CRLF3: variants seen among roughly 807,000 people sequenced by gnomAD.
CRLF3 encodes cytokine receptor-like factor 3.
A neutral mutation model predicts 55.0 loss-of-function variants in CRLF3; 33 were observed. That is an observed-to-expected ratio of 0.60 (90% confidence interval 0.46 to 0.80). CRLF3 has a LOEUF of 0.80. Among genes scored for constraint, CRLF3 ranks in the 30% least tolerant of loss-of-function variants. The probability of loss-of-function intolerance (pLI) is 0.00; values close to 1 mark genes in which losing one functional copy is unlikely to be tolerated. For missense variants in CRLF3, 494 were observed against 538.4 expected (o/e 0.92, Z 0.82); for synonymous variants, 238 against 196.8 (o/e 1.21, Z -1.75).
chr17:30,815,243 G>A (rs1597931584), intron 1 of CRLF3, among the ~76,000 whole-genome samples: 1 of 151,418 alleles, frequency 6.6e-6, no homozygotes, highest in South Asian at 2.1e-4. Context: ...CCACCACCAA[G>A]CCTGGCTAAT....
At chr17:30,810,747 A>G (rs1316483260) in intron 1 of CRLF3, among the ~76,000 whole-genome samples, 1 of 152,074 alleles carries the variant, frequency 6.6e-6, no homozygotes, top group Admixed American at 6.6e-5. Flanking sequence ...TTCCTTCACA[A>G]CCCTCCAAAA....
chr17:30,789,062 T>C (rs1971721706), intron 6 of CRLF3, among the ~76,000 whole-genome samples: 1 of 152,184 alleles, frequency 6.6e-6, no homozygotes, highest in African/African-American at 2.4e-5. Context: ...CATCTCTGGC[T>C]TCACTGCTGA....
chr17:30,809,790 A>G (rs1169600038), intron 1 of CRLF3: 2 of 152,188 alleles, frequency 1.3e-5, no homozygotes, highest in African/African-American at 4.8e-5. Context: ...AGCTGGGACC[A>G]CAGGCATGTG....
chr17:30,823,325 A>G (rs538284850), intron 1 of CRLF3, among the ~76,000 whole-genome samples: 2 of 152,012 alleles, frequency 1.3e-5, no homozygotes, highest in South Asian at 2.1e-4. Flanking sequence ...AGATAGTGCC[A>G]CTGCACTCCA....
At position 30,783,192 on chromosome 17, in the gene CRLF3, C is replaced by G. The variant is rs1971540654; in HGVS notation, c.*995G>C. The G allele has an allele frequency of 6.6e-6, 1 of 152,186 alleles. No individual in the cohort carries two copies. Among genetic ancestry groups the G allele is most frequent in the Non-Finnish European group, 1.5e-5 (1 of 68,038 alleles). The allele number at this position is 152,186 out of a possible 1,614,324, so 9.4% of individuals were successfully genotyped here. A position where few individuals can be genotyped will look rare whatever the true frequency, so the allele number is the denominator to read the frequency against. ...TTACATACATATGAAATGGCTAACA[C>G]TGCTGTGCATACTACTGCCATAACT... On this transcript the variant is annotated 3_prime_UTR_variant, in exon 8 of 8. Transcript: ENST00000324238.
At position 30,783,184 on chromosome 17, in the gene CRLF3, G is replaced by A. The variant is rs2142234779; in HGVS notation, c.*1003C>T. The A allele has an allele frequency of 6.6e-6, 1 of 152,246 alleles. No individual in the cohort carries two copies. The highest frequency in any genetic ancestry group is 2.1e-4 in the South Asian group (1 of 4,824). The allele number at this position is 152,246 out of a possible 1,614,324, so 9.4% of individuals were successfully genotyped here. On this transcript the variant is annotated 3_prime_UTR_variant, in exon 8 of 8. Transcript: ENST00000324238. ...CGTGCATATTACATACATATGAAAT[G>A]GCTAACACTGCTGTGCATACTACTG...
Position 30,797,373 on chromosome 17 carries a change from C to T in CRLF3, c.363G>A (p.Val121=), listed in dbSNP as rs1005916877. Residue 121 remains valine, a synonymous_variant, in exon 3 of 8, where the codon GTG becomes GTA. Transcript: ENST00000324238. ...TCCACAGTTTCTCATTCTCTTCTCCCACACCACCAAGCATGGCGATTTCAC... is the reference window on the plus strand; with the variant it reads ...TCCACAGTTTCTCATTCTCTTCTCCTACACCACCAAGCATGGCGATTTCAC... ...REGEIAMLGG[V]GEENEKLWSF... is the part of the protein sequence containing the mutation. 14 of 1,613,758 alleles carry T rather than the reference C, an allele frequency of 8.7e-6. No homozygotes were observed. In the Admixed American group the frequency reaches 1.8e-4, roughly 21 times the overall value.
chr17:30,804,271 TATAC>T (rs373448377), intron 1 of CRLF3, among the ~76,000 whole-genome samples, 163 bp from the exon 2 acceptor site: 116 of 152,332 alleles, frequency 7.6e-4, no homozygotes, highest in African/African-American at 2.6e-3. Flanking sequence ...TTGATACACA[TATAC>T]ATAGTGAACT....
At chr17:30,822,634 A>C (rs1473745053) in intron 1 of CRLF3, among the ~76,000 whole-genome samples, 1 of 152,224 alleles carries the variant, frequency 6.6e-6, no homozygotes, top group Non-Finnish European at 1.5e-5. Flanking sequence ...TGGATATAAA[A>C]TTGAAAAAAT....
intron 2 of CRLF3, among the ~76,000 whole-genome samples, chr17:30,799,240 T>G (rs778650847): frequency 6.6e-6 from 1 of 152,204 alleles, no homozygotes; most frequent in Non-Finnish European, 1.5e-5. Flanking sequence ...GCCACTGCAC[T>G]CCAGCCCAGG....
intron 5 of CRLF3, chr17:30,792,782 TAAATCACAC>T (rs967790769): frequency 4.5e-6 from 2 of 445,788 alleles, no homozygotes; most frequent in South Asian, 4.7e-5. Flanking sequence ...TTTGACATAA[TAAATCACAC>T]AAGTGTTATC....
At chr17:30,788,094 C>T (rs975712642) in intron 6 of CRLF3, among the ~76,000 whole-genome samples, 1 of 151,750 alleles carries the variant, frequency 6.6e-6, no homozygotes, top group Non-Finnish European at 1.5e-5. Context: ...TTTGGGAGGC[C>T]GAGGTGGGCG....
chr17:30,803,777 C>G (rs1261085839), intron 2 of CRLF3, 124 bp downstream of exon 2: 10 of 753,686 alleles, frequency 1.3e-5, no homozygotes, highest in Non-Finnish European at 2.3e-5. Context: ...GCCTCCCCAG[C>G]CACATGGAAC....
chr17:30,788,596 C>CTTTTTTTTTTTTTT (rs1429494338), intron 6 of CRLF3, among the ~76,000 whole-genome samples: 13 of 120,292 alleles, frequency 1.1e-4, no homozygotes, highest in African/African-American at 4.6e-4. Flanking sequence ...AAAGTAGTGC[C>CTTTTTTTTTTTTTT]TTCTTTTTTT....
In CRLF3 at chr17:30,792,464, A is replaced by G. The variant is rs756358718; in HGVS notation, c.935T>C (p.Phe312Ser). The G allele has an allele frequency of 3.7e-6, 6 of 1,611,926 alleles. No homozygotes were observed. In the African/African-American group the frequency reaches 6.7e-5, roughly 18 times the overall value. The change falls in exon 6 of 8, where the codon TTC becomes TCC. Residue 312 changes from phenylalanine (F) to serine (S), a missense_variant. Coordinates refer to ENST00000324238, the MANE Select transcript of CRLF3 (RefSeq NM_015986.4). ...GVLYSRAPTY[F>S]CGQTLTFRVE... ...CCTGAATGTTAATGTCTGCCCACAG[A>G]AATAAGTCGGAGCTCTGGAGTAGAG...
In CRLF3 at chr17:30,791,839, A is replaced by ACTT. The variant is rs371215308; in HGVS notation, c.959+598_959+600dup. Among the ~76,000 whole-genome samples the ACTT allele has an allele frequency of 2.6e-3, 387 of 151,002 alleles. 3 individuals are homozygous for ACTT. The highest frequency in any genetic ancestry group is 8.5e-3 in the African/African-American group (348 of 41,178). ...CCAGGCCTCTAAATTTTTAAGATTT[A>ACTT]CTTTTTAATTTTGTGTGTGTGTTTG... On this transcript the variant is annotated intron_variant, in intron 6 of 7. Transcript: ENST00000324238.
At chr17:30,791,470 G>T (rs1213474433) in intron 6 of CRLF3, among the ~76,000 whole-genome samples, 1 of 151,698 alleles carries the variant, frequency 6.6e-6, no homozygotes, top group African/African-American at 2.4e-5. Context: ...GCCTCCCAAA[G>T]TGCTGGGATT....
intron 1 of CRLF3, among the ~76,000 whole-genome samples, chr17:30,822,146 ATCCCT>A (rs1905018742): frequency 6.6e-6 from 1 of 151,936 alleles, no homozygotes; most frequent in East Asian, 1.9e-4. Context: ...GACAGGTGGC[ATCCCT>A]TCCTCTCTGC....
chr17:30,784,308 C>T lies in CRLF3; in HGVS notation c.1208G>A (p.Arg403Gln), dbSNP rs1360824366. ...SNNEGGHFKL[R>Q]VTISSNNREV... ...TCTATTATTTGAACTTATAGTTACT[C>T]GAAGCTTGAAGTGTCCACCTTCATT... Residue 403 changes from arginine to glutamine, a missense_variant, in exon 8 of 8, where the codon CGA becomes CAA. Coordinates refer to ENST00000324238, the MANE Select transcript of CRLF3 (RefSeq NM_015986.4). 4 of 1,613,994 alleles carry T rather than the reference C, an allele frequency of 2.5e-6. No individual in the cohort carries two copies. Among genetic ancestry groups the T allele is most frequent in the Non-Finnish European group, 2.5e-6 (3 of 1,180,016 alleles).
Sources: allele counts gnomAD v4.1 joint callset (sites outside exome capture counted in the v4.1 genomes callset), GRCh38; gene constraint gnomAD v4.1.1; transcripts MANE v1.5; gene names NCBI Gene and HGNC (gene_info 2026-07-23, HGNC 2026-07-21).